MSRA: variants seen among roughly 807,000 people sequenced by gnomAD.
MSRA encodes the protein methionine sulfoxide reductase A, also known as mitochondrial peptide methionine sulfoxide reductase.
Under a neutral mutation model 31.3 loss-of-function variants are expected in MSRA, and 54 were observed. The observed-to-expected ratio is 1.73, with a 90% CI of 1.39 to 2.17. The LOEUF (loss-of-function observed/expected upper bound fraction) is 2.17, where lower values mean the gene tolerates loss of function less well. MSRA is among the 30% of genes most tolerant of loss of function. The pLI is 0.00. For synonymous variants in MSRA, 169 were observed against 116.5 expected (o/e 1.45, Z -2.90); for missense variants, 507 against 300.9 (o/e 1.69, Z -5.07).
At chr8:10,087,948 T>A (rs1798653172) in intron 1 of MSRA, among the ~76,000 whole-genome samples, 1 of 152,210 alleles carries the variant, frequency 6.6e-6, no homozygotes, top group Admixed American at 6.5e-5. Context: ...TAATTGCGGT[T>A]TTTGCCATTA....
At chr8:10,362,762 T>A (rs937286716) in intron 5 of MSRA, among the ~76,000 whole-genome samples, 2 of 152,080 alleles carry the variant, frequency 1.3e-5, no homozygotes, top group Non-Finnish European at 2.9e-5. Flanking sequence ...GGTCCTGATT[T>A]CCTTCCTGGC....
intron 1 of MSRA, among the ~76,000 whole-genome samples, chr8:10,075,065 C>A (rs553730414): frequency 4.6e-5 from 7 of 152,326 alleles, no homozygotes; most frequent in African/African-American, 1.7e-4. Context: ...CTTTACTACT[C>A]ATTTGGTATG....
At chr8:10,341,888 G>A (rs924336355) in intron 5 of MSRA, among the ~76,000 whole-genome samples, 8 of 152,170 alleles carry the variant, frequency 5.3e-5, no homozygotes, top group Non-Finnish European at 7.3e-5. Context: ...GGCATGGCTC[G>A]GGACAGTGCC....
chr8:10,346,317 T>C (rs957524819), intron 5 of MSRA, among the ~76,000 whole-genome samples: 1 of 152,190 alleles, frequency 6.6e-6, no homozygotes, highest in Non-Finnish European at 1.5e-5. Flanking sequence ...GCGCTCAGCA[T>C]GCATTTCATA....
intron 2 of MSRA, among the ~76,000 whole-genome samples, chr8:10,217,096 T>A (rs1810058134): frequency 6.6e-6 from 1 of 152,240 alleles, no homozygotes; most frequent in Admixed American, 6.5e-5. Flanking sequence ...ATTATAGCCA[T>A]CCTAATGGGT....
intron 5 of MSRA, among the ~76,000 whole-genome samples, chr8:10,416,442 G>C (rs147165094): frequency 5.4e-4 from 83 of 152,364 alleles, no homozygotes; most frequent in African/African-American, 1.9e-3. Flanking sequence ...GGTGCTCCCA[G>C]CGTGGGTTTG....
chr8:10,262,034 A>G (rs376367889), intron 3 of MSRA, among the ~76,000 whole-genome samples: 7 of 152,192 alleles, frequency 4.6e-5, no homozygotes, highest in East Asian at 1.9e-4. Context: ...ACGGTACTCC[A>G]TGTCTTTCTG....
intron 1 of MSRA, among the ~76,000 whole-genome samples, chr8:10,106,845 C>A (rs1349381903): frequency 1.3e-5 from 2 of 151,932 alleles, no homozygotes; most frequent in African/African-American, 4.8e-5. Context: ...ACACACCCAC[C>A]CACCTAACTA....
intron 5 of MSRA, among the ~76,000 whole-genome samples, chr8:10,328,640 G>T (rs1418240851): frequency 6.6e-6 from 1 of 152,108 alleles, no homozygotes; most frequent in South Asian, 2.1e-4. Flanking sequence ...GGTCTACCAG[G>T]TCCTTCAAAG....
At chr8:10,357,877 A>G (rs542186540) in intron 5 of MSRA, among the ~76,000 whole-genome samples, 1 of 152,334 alleles carries the variant, frequency 6.6e-6, no homozygotes, top group African/African-American at 2.4e-5. Context: ...TTTTCACTCA[A>G]CTACTTTTAT....
At chr8:10,208,947 T>A (rs1362875708) in intron 2 of MSRA, among the ~76,000 whole-genome samples, 1 of 152,220 alleles carries the variant, frequency 6.6e-6, no homozygotes, top group Non-Finnish European at 1.5e-5. Context: ...TGAAGTTAGA[T>A]TGTTCCCTTA....
intron 5 of MSRA, among the ~76,000 whole-genome samples, chr8:10,349,070 A>G (rs1206676094): frequency 6.6e-6 from 1 of 152,252 alleles, no homozygotes; most frequent in Non-Finnish European, 1.5e-5. Context: ...AATTTGAATA[A>G]TCATATGCGA....
chr8:10,141,804 T>G (rs946682700), intron 1 of MSRA, among the ~76,000 whole-genome samples: 6 of 152,170 alleles, frequency 3.9e-5, no homozygotes, highest in Non-Finnish European at 8.8e-5. Flanking sequence ...AGACAAAACT[T>G]GGCAGCAGGT....
chr8:10,298,698 T>C (rs150276606), intron 3 of MSRA, among the ~76,000 whole-genome samples: 1 of 152,230 alleles, frequency 6.6e-6, no homozygotes, highest in Non-Finnish European at 1.5e-5. Flanking sequence ...CACTAAATCA[T>C]AAAGTAACAG....
At chr8:10,205,726 G>C (rs1337912647) in intron 1 of MSRA, among the ~76,000 whole-genome samples, 1 of 152,198 alleles carries the variant, frequency 6.6e-6, no homozygotes, top group Admixed American at 6.5e-5. Context: ...GTCTTGCATA[G>C]TCTTTGTGTT....
At chr8:10,240,516 A>G (rs1048273646) in intron 2 of MSRA, among the ~76,000 whole-genome samples, 3 of 152,064 alleles carry the variant, frequency 2.0e-5, no homozygotes, top group African/African-American at 7.2e-5. Context: ...TGGCATTATC[A>G]TGTGGTAAAG....
At chr8:10,140,877 C>G (rs574518797) in intron 1 of MSRA, among the ~76,000 whole-genome samples, 48 of 152,096 alleles carry the variant, frequency 3.2e-4, no homozygotes, top group Non-Finnish European at 2.6e-4. Flanking sequence ...ATCACAGACA[C>G]AGACACACTC....
intron 1 of MSRA, among the ~76,000 whole-genome samples, chr8:10,185,754 C>G (rs1023505659): frequency 6.6e-6 from 1 of 152,222 alleles, no homozygotes; most frequent in Non-Finnish European, 1.5e-5. Context: ...ACTCAGTCCT[C>G]TGGACCTTTG....
chr8:10,394,103 G>C (rs1480891332), intron 5 of MSRA, among the ~76,000 whole-genome samples: 2 of 152,170 alleles, frequency 1.3e-5, no homozygotes, highest in African/African-American at 4.8e-5. Context: ...TCTGCGTCTT[G>C]TATATTTGTA....
Sources: gnomAD v4.1 joint callset for allele counts (sites outside exome capture counted in the v4.1 genomes callset) on GRCh38, gnomAD v4.1.1 for gene constraint, MANE v1.5 for transcripts, NCBI Gene and HGNC (gene_info 2026-07-23, HGNC 2026-07-21) for gene names.